NPTN: variants seen among roughly 807,000 people sequenced by gnomAD.
NPTN encodes neuroplastin.
In NPTN, 5 loss-of-function variants were observed where a neutral mutation model predicts 42.7. The ratio of observed to expected loss-of-function variants is 0.12; its 90% CI spans 0.06 to 0.25. The LOEUF (loss-of-function observed/expected upper bound fraction) is 0.25. Ranked by LOEUF, NPTN falls within the 10% of genes least tolerant of loss-of-function variation. The pLI is 1.00. For synonymous variants in NPTN, 180 were observed against 201.9 expected, an observed-to-expected ratio of 0.89 and a Z score of 0.92; for missense variants, 307 against 525.4, an observed-to-expected ratio of 0.58 and a Z score of 4.06.
intron 5 of NPTN, among the ~76,000 whole-genome samples, chr15:73,571,009 AG>A (rs1271717569): frequency 1.3e-5 from 2 of 152,262 alleles, no homozygotes; most frequent in Non-Finnish European, 2.9e-5. Flanking sequence ...GGCTGGGCAC[AG>A]AGGCTCATGC....
rs544007471 is a variant in NPTN at position 73,569,911 on chromosome 15, A to G, written c.1114+239T>C. On this transcript the variant is annotated intron_variant, in intron 6 of 8. Transcript: ENST00000345330. The surrounding 1 kb of genome is among the most constrained non-coding windows in gnomAD (Gnocchi z 4.1). ...ACTAGGGTTTGGAAAACACCCAAAC[A>G]GAGGGAGAGAGCTAAGGACAGCTCT... is the stretch of plus-strand genomic sequence containing the variant. The G allele has an allele frequency of 1.5e-4, 87 of 596,544 alleles. No individual in the cohort carries two copies. The African/African-American group carries it at 1.7e-3, about 11-fold the overall frequency. The allele number at this position is 596,544 out of a possible 1,614,324, so 37.0% of individuals were successfully genotyped here. A position where few individuals can be genotyped will look rare whatever the true frequency, so the allele number is the denominator to read the frequency against.
intron 2 of NPTN, among the ~76,000 whole-genome samples, chr15:73,592,911 C>T (rs1412009547): frequency 1.3e-5 from 2 of 152,140 alleles, no homozygotes; most frequent in Admixed American, 6.5e-5. Flanking sequence ...TTCATTGAAT[C>T]CCACTCTTTT....
rs1370787184 is a variant in NPTN, at chr15:73,566,171, G to A, written c.1115-2914C>T. ...TGACCCAGATGGCCCCTAGTTAACA[G>A]ACCAGACACCGAATGCATGTTTTAG... is the stretch of plus-strand genomic sequence containing the variant. On this transcript the variant is annotated intron_variant, in intron 6 of 8. Transcript: ENST00000345330. Among the ~76,000 whole-genome samples the A allele has an allele frequency of 2.6e-5, 4 of 152,162 alleles. No homozygotes were observed. The East Asian group carries it at 5.8e-4, about 22-fold the overall frequency.
chr15:73,570,485 G>A lies in NPTN; in HGVS notation c.841-62C>T. The A allele has an allele frequency of 2.0e-6, 3 of 1,484,202 alleles. No individual in the cohort carries two copies. The highest frequency in any genetic ancestry group is 2.8e-6 in the Non-Finnish European group (3 of 1,080,296). 91.9% of individuals were successfully genotyped at this position (1,484,202 alleles called of 1,614,324 possible). Reference sequence around the variant, plus strand: ...GTAACTGAGCTAATGTTCAAGAGAGGGTGACACTGCTCTCCGTTCTTTTTA... The same window carrying A: ...GTAACTGAGCTAATGTTCAAGAGAGAGTGACACTGCTCTCCGTTCTTTTTA... On this transcript the variant is annotated intron_variant, in intron 5 of 8. Coordinates refer to ENST00000345330, the MANE Select transcript of NPTN (RefSeq NM_012428.4). The surrounding 1 kb of genome is among the most constrained non-coding windows in gnomAD (Gnocchi z 4.0).
chr15:73,565,395 G>A (rs1468118206), intron 6 of NPTN, among the ~76,000 whole-genome samples: 2 of 152,208 alleles, frequency 1.3e-5, no homozygotes, highest in African/African-American at 4.8e-5. Flanking sequence ...CAAAGTAAAT[G>A]AGGATTAAAC....
chr15:73,618,611 C>A (rs1015991147), intron 1 of NPTN, among the ~76,000 whole-genome samples: 1 of 152,166 alleles, frequency 6.6e-6, no homozygotes, highest in African/African-American at 2.4e-5. Context: ...TGCAGTGGCT[C>A]AAGCCTGTAA....
At chr15:73,563,313 A>T in intron 6 of NPTN, 56 bp from the exon 7 acceptor site, 1 of 1,607,470 alleles carries the variant, frequency 6.2e-7, no homozygotes, top group Non-Finnish European at 8.5e-7. Context: ...GAAAGGAGAA[A>T]ACTGTTAGAT....
chr15:73,585,684 A>G (rs1896284125), intron 4 of NPTN, among the ~76,000 whole-genome samples: 1 of 152,238 alleles, frequency 6.6e-6, no homozygotes, highest in South Asian at 2.1e-4. Flanking sequence ...CAGTATATCT[A>G]TCCAAGGTGG....
chr15:73,619,043 C>G (rs1441831592), intron 1 of NPTN, among the ~76,000 whole-genome samples: 1 of 134,056 alleles, frequency 7.5e-6, no homozygotes, highest in Non-Finnish European at 1.6e-5. Context: ...TGGGCAAACA[C>G]AGCAGCAAGA....
chr15:73,633,057 G>A (rs1045729864), intron 1 of NPTN, 68 bp downstream of exon 1: 2 of 1,169,242 alleles, frequency 1.7e-6, no homozygotes, highest in African/African-American at 1.6e-5. Context: ...CCTCAGGCCA[G>A]AGCCGGGCCC....
intron 1 of NPTN, among the ~76,000 whole-genome samples, chr15:73,624,421 T>C (rs1285921422): frequency 1.3e-5 from 2 of 152,254 alleles, no homozygotes; most frequent in Non-Finnish European, 2.9e-5. Context: ...TGGAGCTCCT[T>C]GTGCTATTTT....
At chr15:73,565,854 C>A in intron 6 of NPTN, 1 of 454,484 alleles carries the variant, frequency 2.2e-6, no homozygotes, top group Non-Finnish European at 4.4e-6. Flanking sequence ...CCCCTATATC[C>A]GCCTCATCAT....
intron 1 of NPTN, among the ~76,000 whole-genome samples, chr15:73,604,747 T>G (rs1467367792): frequency 6.6e-6 from 1 of 152,208 alleles, no homozygotes; most frequent in Non-Finnish European, 1.5e-5. Flanking sequence ...ACATGAACAA[T>G]GTACATAAAA....
chr15:73,576,499 T>A (rs1039192778), intron 4 of NPTN, among the ~76,000 whole-genome samples: 2 of 152,122 alleles, frequency 1.3e-5, no homozygotes, highest in Non-Finnish European at 2.9e-5. Context: ...TGGCTAATTT[T>A]TGTATTTTTA....
At chr15:73,623,196 T>G (rs986858992) in intron 1 of NPTN, among the ~76,000 whole-genome samples, 2 of 152,256 alleles carry the variant, frequency 1.3e-5, no homozygotes, top group African/African-American at 4.8e-5. Context: ...CAACACGTAT[T>G]GGAAGGATTT....
chr15:73,588,291 CA>C (rs1425508840), intron 3 of NPTN, among the ~76,000 whole-genome samples: 1 of 152,154 alleles, frequency 6.6e-6, no homozygotes, highest in African/African-American at 2.4e-5. Flanking sequence ...AACAAACAAA[CA>C]AACAAAAACA....
At chr15:73,596,566 T>C (rs1175705942) in intron 2 of NPTN, among the ~76,000 whole-genome samples, 1 of 151,950 alleles carries the variant, frequency 6.6e-6, no homozygotes, top group Non-Finnish European at 1.5e-5. Context: ...GAAACAAAAA[T>C]AGAAAGGCAC....
At chr15:73,628,744 C>A (rs1489550424) in intron 1 of NPTN, among the ~76,000 whole-genome samples, 1 of 151,854 alleles carries the variant, frequency 6.6e-6, no homozygotes, top group Non-Finnish European at 1.5e-5. Flanking sequence ...CCAATTAAAT[C>A]TTTTTTTAAT....
At chr15:73,625,603 T>TGTA (rs2141477774) in intron 1 of NPTN, among the ~76,000 whole-genome samples, 1 of 152,322 alleles carries the variant, frequency 6.6e-6, no homozygotes, top group South Asian at 2.1e-4. Context: ...AGTGCTGGGA[T>TGTA]TACAGGAGTG....
Sources: allele counts gnomAD v4.1 joint callset (sites outside exome capture counted in the v4.1 genomes callset), GRCh38; gene constraint gnomAD v4.1.1; non-coding constraint Gnocchi (gnomAD v3.1); transcripts MANE v1.5; gene names NCBI Gene and HGNC (gene_info 2026-07-23, HGNC 2026-07-21).